Variants in TSHZ2 observed in about 807,000 individuals in gnomAD.
TSHZ2 encodes the protein teashirt zinc finger homeobox 2.
Under a neutral mutation model 74.4 loss-of-function variants are expected in TSHZ2, and 21 were observed. That is an observed-to-expected ratio of 0.28 (90% confidence interval 0.20 to 0.41). TSHZ2 has a LOEUF of 0.41. TSHZ2 is among the 10% of genes least tolerant of loss of function. The pLI is 1.00. For synonymous variants in TSHZ2, 540 were observed against 515.3 expected (o/e 1.05, Z -0.65); for missense variants, 1,244 against 1,293.5 (o/e 0.96, Z 0.59).
At chr20:53,455,173 C>A (rs1192042390) in intron 2 of TSHZ2, 2 of 152,256 alleles carry the variant, frequency 1.3e-5, no homozygotes, top group African/African-American at 4.8e-5. Context: ...GGACCTAGAC[C>A]AAACCCCTGG....
At chr20:53,199,784 A>G (rs1488304337) in intron 1 of TSHZ2, among the ~76,000 whole-genome samples, 1 of 152,196 alleles carries the variant, frequency 6.6e-6, no homozygotes, top group Non-Finnish European at 1.5e-5. Context: ...TGTGTAGTGT[A>G]TATCGGGGGC....
At chr20:53,282,022 C>T (rs1459380349) in intron 2 of TSHZ2, among the ~76,000 whole-genome samples, 4 of 152,188 alleles carry the variant, frequency 2.6e-5, no homozygotes, top group African/African-American at 7.2e-5. Flanking sequence ...AGAAGCCAGA[C>T]GTGGGCACAA....
At chr20:53,290,877 T>C (rs1249159161) in intron 2 of TSHZ2, among the ~76,000 whole-genome samples, 2 of 152,242 alleles carry the variant, frequency 1.3e-5, no homozygotes, top group Non-Finnish European at 2.9e-5. Flanking sequence ...AAAGTTTTTT[T>C]GGAAACAGCC....
intron 2 of TSHZ2, among the ~76,000 whole-genome samples, chr20:53,394,764 A>C (rs1982382805): frequency 6.7e-6 from 1 of 148,624 alleles, no homozygotes; most frequent in African/African-American, 2.5e-5. Context: ...TCTGTCTCAA[A>C]AAAAAAAAAA....
intron 1 of TSHZ2, among the ~76,000 whole-genome samples, chr20:53,161,933 A>G (rs1415275103): frequency 2.0e-5 from 3 of 152,196 alleles, no homozygotes; most frequent in Non-Finnish European, 2.9e-5. Context: ...ATCTTCACCA[A>G]TGAATGGGTA....
chr20:53,472,675 C>G (rs914665950), intron 2 of TSHZ2, among the ~76,000 whole-genome samples: 1 of 151,990 alleles, frequency 6.6e-6, no homozygotes, highest in African/African-American at 2.4e-5. Flanking sequence ...CGAATAGGAA[C>G]AGCTCCAGTC....
intron 1 of TSHZ2, among the ~76,000 whole-genome samples, chr20:53,231,083 C>G (rs1000323780): frequency 6.6e-6 from 1 of 152,300 alleles, no homozygotes; most frequent in African/African-American, 2.4e-5. Flanking sequence ...AAAGCAGCAG[C>G]AACTTCACTT....
chr20:53,323,563 CTTTTTTTTTTTT>C (rs34687825), intron 2 of TSHZ2, among the ~76,000 whole-genome samples: 2 of 36,678 alleles, frequency 5.5e-5, no homozygotes, highest in East Asian at 9.9e-4. Context: ...CCTTGGAGGG[CTTTTTTTTTTTT>C]TTTTTTTTTT....
intron 1 of TSHZ2, among the ~76,000 whole-genome samples, chr20:53,009,262 A>G (rs1489836008): frequency 6.6e-6 from 1 of 152,064 alleles, no homozygotes; most frequent in Non-Finnish European, 1.5e-5. Flanking sequence ...CGGTTGAATC[A>G]GGGAGGTTGA....
chr20:53,151,383 G>A (rs1309442029), intron 1 of TSHZ2, among the ~76,000 whole-genome samples: 1 of 152,208 alleles, frequency 6.6e-6, no homozygotes, highest in African/African-American at 2.4e-5. Flanking sequence ...TCCTAGCTGG[G>A]AGGGCTAGTG....
At chr20:53,226,420 G>A (rs1245758919) in intron 1 of TSHZ2, among the ~76,000 whole-genome samples, 1 of 150,590 alleles carries the variant, frequency 6.6e-6, no homozygotes, top group African/African-American at 2.5e-5. Flanking sequence ...CATGAAGTGT[G>A]TGGGTCGGTG....
At chr20:53,169,246 T>A (rs1426800671) in intron 1 of TSHZ2, among the ~76,000 whole-genome samples, 5 of 152,192 alleles carry the variant, frequency 3.3e-5, no homozygotes, top group Admixed American at 6.5e-5. Context: ...GGGCTTTATT[T>A]GAAACAAAAA....
chr20:52,978,691 G>A (rs1981443675), intron 1 of TSHZ2, among the ~76,000 whole-genome samples: 1 of 152,076 alleles, frequency 6.6e-6, no homozygotes, highest in Non-Finnish European at 1.5e-5. Context: ...CAAACTGAAC[G>A]ACTTTTATTA....
intron 2 of TSHZ2, among the ~76,000 whole-genome samples, chr20:53,378,159 G>A (rs992139905): frequency 5.9e-5 from 9 of 152,116 alleles, no homozygotes; most frequent in African/African-American, 2.2e-4. Flanking sequence ...GGCCAACATG[G>A]TGAAACCCCA....
intron 1 of TSHZ2, among the ~76,000 whole-genome samples, chr20:53,011,602 A>C (rs1600644523): frequency 2.0e-5 from 3 of 152,212 alleles, no homozygotes; most frequent in Non-Finnish European, 4.4e-5. Flanking sequence ...AATATCAAAG[A>C]GCACACAGGA....
chr20:53,398,558 T>C (rs1391188747), intron 2 of TSHZ2: 1 of 152,164 alleles, frequency 6.6e-6, no homozygotes, highest in Non-Finnish European at 1.5e-5. Flanking sequence ...CCAGACCAGC[T>C]TGGGCAAAAT....
intron 1 of TSHZ2, 67 bp from the exon 2 acceptor site, chr20:53,253,432 T>C: frequency 1.3e-6 from 2 of 1,519,790 alleles, no homozygotes; most frequent in East Asian, 2.3e-5. Flanking sequence ...ACTTAGTCTA[T>C]GTGAGGAAAT....
intron 1 of TSHZ2, among the ~76,000 whole-genome samples, chr20:53,052,345 T>C (rs1283487309): frequency 1.3e-5 from 2 of 152,110 alleles, no homozygotes; most frequent in Non-Finnish European, 2.9e-5. Context: ...CAGCAGGAAG[T>C]GAGTGGAGGA....
intron 1 of TSHZ2, among the ~76,000 whole-genome samples, chr20:53,230,547 C>T (rs1393222569): frequency 6.6e-6 from 1 of 152,078 alleles, no homozygotes; most frequent in African/African-American, 2.4e-5. Context: ...AGTCACGGTG[C>T]CCCGTTTTCT....
Sources: allele counts gnomAD v4.1 joint callset (sites outside exome capture counted in the v4.1 genomes callset), GRCh38; gene constraint gnomAD v4.1.1; transcripts MANE v1.5; gene names NCBI Gene and HGNC (gene_info 2026-07-23, HGNC 2026-07-21).